Variants in CCDC91 observed in about 807,000 individuals in gnomAD.
CCDC91 encodes coiled-coil domain-containing protein 91.
Under a neutral mutation model 63.2 loss-of-function variants are expected in CCDC91, and 48 were observed. That is an observed-to-expected ratio of 0.76 (90% CI 0.60 to 0.97). The LOEUF (loss-of-function observed/expected upper bound fraction) is 0.97, where lower values mean the gene tolerates loss of function less well. Ranked by LOEUF, CCDC91 falls within the 50% of genes least tolerant of loss-of-function variation. CCDC91 has a pLI of 0.00. For synonymous variants in CCDC91, 167 were observed against 165.8 expected, an observed-to-expected ratio of 1.01 and a Z score of -0.06; for missense variants, 500 against 494.6, an observed-to-expected ratio of 1.01 and a Z score of -0.10.
chr12:28,520,280 G>A (rs189002667), intron 12 of CCDC91, among the ~76,000 whole-genome samples: 8 of 152,244 alleles, frequency 5.3e-5, no homozygotes, highest in Admixed American at 5.2e-4. Flanking sequence ...GTGTGAGATG[G>A]TGTCTCATTG....
At chr12:28,245,624 T>A (rs1233232226) in intron 1 of CCDC91, among the ~76,000 whole-genome samples, 1 of 152,048 alleles carries the variant, frequency 6.6e-6, no homozygotes, top group Non-Finnish European at 1.5e-5. Flanking sequence ...TTTAAAAAAT[T>A]TATCCAATTA....
At chr12:28,236,548 T>C (rs532010653) in intron 1 of CCDC91, 1 of 152,108 alleles carries the variant, frequency 6.6e-6, no homozygotes, top group East Asian at 1.9e-4. Flanking sequence ...ATACTAAATA[T>C]AAAAGTTTAT....
At chr12:28,318,931 AT>A (rs1365027789) in intron 6 of CCDC91, among the ~76,000 whole-genome samples, 1 of 151,984 alleles carries the variant, frequency 6.6e-6, no homozygotes, top group Non-Finnish European at 1.5e-5. Flanking sequence ...CAAGTCCAAG[AT>A]GACATAGATG....
At chr12:28,515,761 C>T (rs1246743234) in intron 12 of CCDC91, among the ~76,000 whole-genome samples, 5 of 151,786 alleles carry the variant, frequency 3.3e-5, no homozygotes, top group Non-Finnish European at 7.4e-5. Flanking sequence ...AACTCAGTTT[C>T]GTTTAACATA....
chr12:28,486,908 C>T (rs1237770229), intron 12 of CCDC91, among the ~76,000 whole-genome samples: 1 of 151,908 alleles, frequency 6.6e-6, no homozygotes, highest in Admixed American at 6.6e-5. Context: ...ACCTACCTTG[C>T]AGAGTTGTTA....
rs1458653938 is a variant in CCDC91 at position 28,386,576 on chromosome 12, T to C, written c.655-4728T>C. 2.0e-5 allele frequency among the ~76,000 whole-genome samples: 3 copies of C among 152,058 alleles called. No homozygotes were observed. The East Asian group carries it at 5.8e-4, about 30-fold the overall frequency. On this transcript the variant is annotated intron_variant, in intron 7 of 12. Coordinates refer to ENST00000536442, the MANE Select transcript of CCDC91 (RefSeq NM_018318.5). ...TAGAGATGGGGTTTCATCACGTTGG[T>C]CAGGCTGGTCTCGAACTGCCAACAT...
chr12:28,415,432 C>G (rs1402098369), intron 8 of CCDC91, among the ~76,000 whole-genome samples: 3 of 151,910 alleles, frequency 2.0e-5, no homozygotes, highest in Admixed American at 6.6e-5. Context: ...CATGTTGAGA[C>G]TGGTCTCGAA....
intron 6 of CCDC91, among the ~76,000 whole-genome samples, chr12:28,356,777 A>G (rs914335634): frequency 5.3e-5 from 8 of 152,166 alleles, no homozygotes; most frequent in African/African-American, 1.9e-4. Context: ...ATCAGATATT[A>G]TTTGCTAATT....
chr12:28,216,402 A>G (rs1264569712), intron 1 of CCDC91, among the ~76,000 whole-genome samples: 1 of 152,032 alleles, frequency 6.6e-6, no homozygotes, highest in African/African-American at 2.4e-5. Context: ...ACATGGTTTC[A>G]GTAAGTAAAA....
chr12:28,441,435 G>T (rs966906764), intron 8 of CCDC91, among the ~76,000 whole-genome samples: 2 of 151,996 alleles, frequency 1.3e-5, no homozygotes, highest in Admixed American at 6.6e-5. Context: ...ATAACTGGAA[G>T]CAGTTCTAAA....
intron 3 of CCDC91, chr12:28,304,838 G>A (rs1205759655): frequency 3.2e-6 from 1 of 315,028 alleles, no homozygotes; most frequent in African/African-American, 2.2e-5. Flanking sequence ...GGAAAATCAA[G>A]TAATATATGT....
chr12:28,217,232 C>T lies in CCDC91; in HGVS notation c.-15+26591C>T, dbSNP rs577968968. On this transcript the variant is annotated intron_variant, in intron 1 of 12. Transcript: ENST00000536442. ...TAGAATACATAATTGAATATGTGTA[C>T]GTGTAAACACACAGAATATATGTAT... Among the ~76,000 whole-genome samples, 16 of 152,120 alleles carry T rather than the reference C, an allele frequency of 1.1e-4. No homozygotes were observed. In the South Asian group the frequency reaches 2.5e-3, roughly 24 times the overall value.
chr12:28,273,309 C>T (rs898055620), intron 3 of CCDC91, among the ~76,000 whole-genome samples: 1 of 152,064 alleles, frequency 6.6e-6, no homozygotes, highest in Non-Finnish European at 1.5e-5. Context: ...TACGTGTGCA[C>T]ATGTCTTTAT....
chr12:28,252,535 A>G (rs1946192795), intron 1 of CCDC91, among the ~76,000 whole-genome samples: 1 of 151,702 alleles, frequency 6.6e-6, no homozygotes, highest in South Asian at 2.1e-4. Context: ...TCATTTCTGC[A>G]ATTATATATT....
intron 12 of CCDC91, among the ~76,000 whole-genome samples, chr12:28,534,421 A>T (rs1941989950): frequency 6.6e-6 from 1 of 152,202 alleles, no homozygotes; most frequent in Non-Finnish European, 1.5e-5. Context: ...TAGAGGGAGC[A>T]TCAAATAGTA....
chr12:28,253,253 G>A (rs1946239805), intron 1 of CCDC91, among the ~76,000 whole-genome samples: 1 of 152,102 alleles, frequency 6.6e-6, no homozygotes, highest in Non-Finnish European at 1.5e-5. Context: ...TCTGACTAGA[G>A]GTTTCAGCCC....
intron 3 of CCDC91, among the ~76,000 whole-genome samples, chr12:28,298,361 G>GT (rs113354105): frequency 0.1 from 12,222 of 122,052 alleles, 877 homozygotes; most frequent in African/African-American, 0.19. Context: ...TGATTGTTGA[G>GT]TTTTTTTTTT....
At chr12:28,335,510 C>T (rs556268487) in intron 6 of CCDC91, among the ~76,000 whole-genome samples, 15 of 150,596 alleles carry the variant, frequency 1.0e-4, no homozygotes, top group African/African-American at 2.9e-4. Context: ...CAGGCCCAAG[C>T]GATCCTCCTA....
chr12:28,257,399 TA>T (rs547777639), intron 2 of CCDC91, among the ~76,000 whole-genome samples, 154 bp downstream of exon 2: 5 of 150,928 alleles, frequency 3.3e-5, no homozygotes, highest in Admixed American at 6.6e-5. Flanking sequence ...TCAAGAAAAA[TA>T]AAAAAAAACC....
Sources: gnomAD v4.1 joint callset for allele counts (sites outside exome capture counted in the v4.1 genomes callset) on GRCh38, gnomAD v4.1.1 for gene constraint, MANE v1.5 for transcripts, NCBI Gene and HGNC (gene_info 2026-07-23, HGNC 2026-07-21) for gene names.